The following MIDEAS variants were observed in gnomAD, a reference collection of about 807,000 sequenced individuals.
MIDEAS encodes the protein mitotic deacetylase-associated SANT domain protein.
Under a neutral mutation model 102.7 loss-of-function variants are expected in MIDEAS, and 26 were observed. The observed-to-expected ratio is 0.25, with a 90% CI of 0.19 to 0.35. The LOEUF (loss-of-function observed/expected upper bound fraction) is 0.35. MIDEAS is among the 10% of genes least tolerant of loss of function. The pLI, the probability that MIDEAS is intolerant of heterozygous loss-of-function variation, is 1.00. For synonymous variants in MIDEAS, 585 were observed against 591.0 expected (o/e 0.99, Z 0.15); for missense variants, 1,231 against 1,435.6 (o/e 0.86, Z 2.30).
At position 73,768,511 on chromosome 14, in the gene MIDEAS, CTT is replaced by C. The variant is rs59819061; in HGVS notation, c.-248+18589_-248+18590del. Among the ~76,000 whole-genome samples, 985 of 138,314 alleles carry C rather than the reference CTT, an allele frequency of 7.1e-3. 3 individuals are homozygous for C. The highest frequency in any genetic ancestry group is 0.024 in the African/African-American group (833 of 35,242). 90.7% of individuals were successfully genotyped at this position (138,314 alleles called of 152,430 possible). A position where few individuals can be genotyped will look rare whatever the true frequency, so the allele number is the denominator to read the frequency against. On this transcript the variant is annotated intron_variant, in intron 1 of 11. Coordinates refer to the MIDEAS transcript ENST00000394071. ...TTATTTTAACTGAATTTATTGCCAA[CTT>C]TTTTTTTTTTTTTTTTTTTTGAGAC...
intron 1 of MIDEAS, among the ~76,000 whole-genome samples, chr14:73,757,288 A>AAAAAAAAAC (rs1343580178): frequency 1.3e-5 from 2 of 150,504 alleles, no homozygotes; most frequent in African/African-American, 2.5e-5. Context: ...CCAAAAAAAA[A>AAAAAAAAAC]AAAAAACACT....
Position 73,717,651 on chromosome 14 carries a change from GT to G in MIDEAS, c.*1191del, listed in dbSNP as rs1311356438. On this transcript the variant is annotated 3_prime_UTR_variant, in exon 13 of 13. Transcript: ENST00000423556. ...GGGATAGGGGATGTCAAGATGCCTC[GT>G]TTTGGGATAAATGCACTCGGGCCTC... is the stretch of plus-strand genomic sequence containing the variant. The G allele has an allele frequency of 2.0e-5, 3 of 152,630 alleles. No homozygotes were observed. Among genetic ancestry groups the G allele is most frequent in the African/African-American group, 7.2e-5 (3 of 41,434 alleles). The allele number at this position is 152,630 out of a possible 1,614,324, so 9.5% of individuals were successfully genotyped here. A position where few individuals can be genotyped will look rare whatever the true frequency, so the allele number is the denominator to read the frequency against.
At chr14:73,719,224 C>CGCCGG in intron 12 of MIDEAS, 81 bp downstream of exon 12, 1 of 1,395,260 alleles carries the variant, frequency 7.2e-7, no homozygotes. Flanking sequence ...GTACCTCTTC[C>CGCCGG]CCCTCCCCTC....
At position 73,739,132 on chromosome 14, in the gene MIDEAS, C is replaced by G. The variant is rs2053245554; in HGVS notation, c.877G>C (p.Ala293Pro). Residue 293 changes from alanine (A) to proline (P), a missense_variant, in exon 2 of 13, where the codon GCT (alanine) becomes CCT (proline). Coordinates refer to ENST00000423556, the MANE Select transcript of MIDEAS (RefSeq NM_001367710.1). ...AGGTGGGACTGTCCCAGTGGCCCAG[C>G]TGGCTGCAGGCCAAAGTCCTGGGGT... The part of the protein sequence containing the change: ...QQPQDFGLQP[A>P]GPLGQSHLAH... 1 of 1,611,980 alleles carries G rather than the reference C, an allele frequency of 6.2e-7. No homozygotes were observed. Among genetic ancestry groups the G allele is most frequent in the East Asian group, 2.2e-5 (1 of 44,876 alleles).
chr14:73,767,447 G>C (rs950561476), intron 1 of MIDEAS, among the ~76,000 whole-genome samples: 1 of 152,002 alleles, frequency 6.6e-6, no homozygotes, highest in African/African-American at 2.4e-5. Flanking sequence ...GACCAGCCTG[G>C]GCAACACGGC....
Position 73,716,504 on chromosome 14 carries a change from G to C in MIDEAS, c.*2339C>G, listed in dbSNP as rs1327399208. The stretch of plus-strand genomic sequence containing the variant: ...AGCCTGGCCGACATGGCGAAACCCT[G>C]TCTCTACTAAAAAAAAAAATACAAA... On this transcript the variant is annotated 3_prime_UTR_variant, in exon 13 of 13. Transcript: ENST00000423556. The C allele has an allele frequency of 6.7e-6, 1 of 149,472 alleles. No individual in the cohort carries two copies. The highest frequency in any genetic ancestry group is 2.0e-4 in the East Asian group (1 of 5,064). 9.3% of individuals were successfully genotyped at this position (149,472 alleles called of 1,614,324 possible).
intron 7 of MIDEAS, 91 bp from the exon 8 acceptor site, chr14:73,726,199 G>T (rs2053058629): frequency 9.6e-7 from 1 of 1,039,284 alleles, no homozygotes; most frequent in Admixed American, 2.0e-5. Flanking sequence ...CCCGAGTAGG[G>T]TGGACACTTA....
chr14:73,789,082 A>G (rs1595308858), upstream of MIDEAS: 1 of 152,208 alleles, frequency 6.6e-6, no homozygotes, highest in African/African-American at 2.4e-5. Context: ...GACAGCCTCT[A>G]AGATGCGCCC....
In MIDEAS at chr14:73,739,193, C is replaced by G. The variant is rs1227049891; in HGVS notation, c.816G>C (p.Glu272Asp). 6.2e-7 allele frequency: 1 copy of G among 1,613,884 alleles called. No homozygotes were observed. Among genetic ancestry groups the G allele is most frequent in the South Asian group, 1.1e-5 (1 of 91,080 alleles). ...QAALPQMPLF[E>D]NFYSMPQQPS... Reference sequence around the variant, plus strand: ...GTTGCTGCGGCATGGAATAGAAGTTCTCAAAGAGCGGCATCTGGGGTAGGG... The same window carrying G: ...GTTGCTGCGGCATGGAATAGAAGTTGTCAAAGAGCGGCATCTGGGGTAGGG... The change falls in exon 2 of 13, where the codon GAG becomes GAC. Residue 272 changes from glutamate to aspartate, a missense_variant. Transcript: ENST00000423556.
chr14:73,772,560 A>T (rs1174302913), intron 1 of MIDEAS, among the ~76,000 whole-genome samples: 1 of 152,184 alleles, frequency 6.6e-6, no homozygotes, highest in East Asian at 1.9e-4. Context: ...CACATGAAAC[A>T]CTGAGGCTGT....
chr14:73,755,283 T>C (rs2053466389), intron 1 of MIDEAS, among the ~76,000 whole-genome samples: 1 of 151,944 alleles, frequency 6.6e-6, no homozygotes, highest in Admixed American at 6.5e-5. Context: ...CAGCCGAGAA[T>C]GACAGCCAGC....
chr14:73,761,083 A>C (rs1488471210), upstream of MIDEAS, among the ~76,000 whole-genome samples: 1 of 151,832 alleles, frequency 6.6e-6, no homozygotes, highest in African/African-American at 2.4e-5. Context: ...GTGGTGGTGC[A>C]GTGGTGGTGG....
chr14:73,719,522 A>C (rs776276195), intron 11 of MIDEAS, 21 bp from the exon 12 acceptor site: 4 of 1,609,494 alleles, frequency 2.5e-6, no homozygotes, highest in Middle Eastern at 1.8e-4. Flanking sequence ...TCAAACAAGG[A>C]GAGTTGAGTG....
chr14:73,772,677 T>C (rs753579674), intron 1 of MIDEAS, among the ~76,000 whole-genome samples: 4 of 152,186 alleles, frequency 2.6e-5, no homozygotes, highest in Non-Finnish European at 5.9e-5. Flanking sequence ...TAAATAGATA[T>C]CTTTGTACTT....
At chr14:73,762,910 T>C (rs2053565410), upstream of MIDEAS, among the ~76,000 whole-genome samples, 2 of 152,096 alleles carry the variant, frequency 1.3e-5, no homozygotes, top group African/African-American at 4.8e-5. Flanking sequence ...AATCCTAAAC[T>C]CTGATTCCCA....
chr14:73,754,715 G>A (rs958300709), intron 1 of MIDEAS, among the ~76,000 whole-genome samples: 3 of 152,130 alleles, frequency 2.0e-5, no homozygotes, highest in Non-Finnish European at 4.4e-5. Flanking sequence ...GCCAGGAGGG[G>A]AGGAGGATCT....
chr14:73,725,223 C>A lies in MIDEAS; in HGVS notation c.2574+49G>T. ...ACTGGCAGAGGGAGCCCCAAAGTCA[C>A]ACAGGCAGCTCCTGGCCCTCATTTG... On this transcript the variant is annotated intron_variant, in intron 9 of 12. Coordinates refer to ENST00000423556, the MANE Select transcript of MIDEAS (RefSeq NM_001367710.1). The surrounding 1 kb of genome is among the most constrained non-coding windows in gnomAD (Gnocchi z 4.1). 1.3e-6 allele frequency: 2 copies of A among 1,520,352 alleles called. No homozygotes were observed. The highest frequency in any genetic ancestry group is 1.8e-6 in the Non-Finnish European group (2 of 1,094,844). 94.2% of individuals were successfully genotyped at this position (1,520,352 alleles called of 1,614,324 possible).
chr14:73,783,055 G>A (rs1399009031), intron 1 of MIDEAS, among the ~76,000 whole-genome samples: 1 of 152,132 alleles, frequency 6.6e-6, no homozygotes, highest in Non-Finnish European at 1.5e-5. Flanking sequence ...CAGACCTGGG[G>A]ATACAAAGAT....
chr14:73,754,310 A>C (rs759727002), intron 1 of MIDEAS, among the ~76,000 whole-genome samples: 4 of 152,222 alleles, frequency 2.6e-5, no homozygotes, highest in Admixed American at 6.5e-5. Context: ...TGCACAGCTG[A>C]CACAGTGTGG....
Sources: gnomAD v4.1 joint callset for allele counts (sites outside exome capture counted in the v4.1 genomes callset) on GRCh38, gnomAD v4.1.1 for gene constraint, Gnocchi (gnomAD v3.1) non-coding constraint, MANE v1.5 for transcripts, NCBI Gene and HGNC (gene_info 2026-07-23, HGNC 2026-07-21) for gene names.